Variants in DNER observed in about 807,000 individuals in gnomAD.
DNER encodes the protein delta/notch like EGF repeat containing.
A neutral mutation model predicts 78.2 loss-of-function variants in DNER; 33 were observed. The observed-to-expected ratio is 0.42, with a 90% CI of 0.32 to 0.56. The LOEUF is 0.56. DNER is among the 20% of genes least tolerant of loss of function. DNER has a pLI of 0.11. For synonymous variants in DNER, 417 were observed against 384.8 expected (o/e 1.08, Z -0.98); for missense variants, 918 against 975.3 (o/e 0.94, Z 0.78).
chr2:229,371,587 C>A (rs990621577), intron 11 of DNER, among the ~76,000 whole-genome samples: 1 of 152,204 alleles, frequency 6.6e-6, no homozygotes, highest in African/African-American at 2.4e-5. Flanking sequence ...TAAACAAACA[C>A]CTTGAGCTAG....
intron 1 of DNER, among the ~76,000 whole-genome samples, chr2:229,609,355 C>T (rs1698001770): frequency 6.6e-6 from 1 of 152,146 alleles, no homozygotes; most frequent in Non-Finnish European, 1.5e-5. Context: ...TCTGTACAGC[C>T]TATGAGGCAA....
At chr2:229,609,678 G>A (rs918355348) in intron 1 of DNER, among the ~76,000 whole-genome samples, 14 of 152,268 alleles carry the variant, frequency 9.2e-5, no homozygotes, top group South Asian at 6.2e-4. Context: ...TAACGTGCTG[G>A]TGGAGGGACA....
intron 5 of DNER, among the ~76,000 whole-genome samples, chr2:229,515,230 A>T (rs1377398784): frequency 1.3e-5 from 2 of 152,278 alleles, no homozygotes; most frequent in Non-Finnish European, 2.9e-5. Context: ...GTATTTTTTT[A>T]AAACAGGAAA....
intron 5 of DNER, among the ~76,000 whole-genome samples, chr2:229,523,448 C>T (rs1036559519): frequency 1.3e-5 from 2 of 152,176 alleles, no homozygotes; most frequent in Admixed American, 1.3e-4. Flanking sequence ...TGGCCATCTC[C>T]TCCCCGTGTC....
At chr2:229,684,169 A>AGAGAGAGAGT (rs1184050138) in intron 1 of DNER, among the ~76,000 whole-genome samples, 2 of 94,600 alleles carry the variant, frequency 2.1e-5, no homozygotes, top group African/African-American at 9.0e-5. Flanking sequence ...AGAGAGAGAG[A>AGAGAGAGAGT]GTGTGTGTGT....
chr2:229,360,212 T>C (rs1692180444), intron 12 of DNER, among the ~76,000 whole-genome samples: 1 of 152,192 alleles, frequency 6.6e-6, no homozygotes, highest in South Asian at 2.1e-4. Context: ...TTATTTCTCA[T>C]AAAATACCTA....
intron 4 of DNER, among the ~76,000 whole-genome samples, chr2:229,579,101 T>C (rs979453465): frequency 6.6e-6 from 1 of 152,208 alleles, no homozygotes; most frequent in African/African-American, 2.4e-5. Flanking sequence ...TATGAAATGA[T>C]CTTAAATAGC....
intron 10 of DNER, among the ~76,000 whole-genome samples, chr2:229,389,745 A>G (rs1308645143): frequency 6.6e-6 from 1 of 152,178 alleles, no homozygotes; most frequent in Non-Finnish European, 1.5e-5. Context: ...AATATATTCC[A>G]TGTCTGTTTC....
chr2:229,574,261 C>T (rs1463750152), intron 4 of DNER, among the ~76,000 whole-genome samples: 3 of 151,944 alleles, frequency 2.0e-5, no homozygotes, highest in Admixed American at 6.6e-5. Flanking sequence ...ATAAATCATC[C>T]GAGAAGACAC....
At chr2:229,668,180 G>A (rs1699127550) in intron 1 of DNER, among the ~76,000 whole-genome samples, 1 of 151,984 alleles carries the variant, frequency 6.6e-6, no homozygotes, top group Non-Finnish European at 1.5e-5. Flanking sequence ...ATTCACCTAG[G>A]GGAGATGTTA....
chr2:229,452,794 ATT>A lies in DNER; in HGVS notation c.1262-5256_1262-5255del, dbSNP rs1341410800. Among the ~76,000 whole-genome samples the A allele has an allele frequency of 4.6e-5, 7 of 152,040 alleles. No homozygotes were observed. The East Asian group carries it at 1.4e-3, about 29-fold the overall frequency. ...AGGCACTTGCCACCACGCCCAGCTA[ATT>A]TTTGTATTTTTAGTAGAGACGGGGT... On this transcript the variant is annotated intron_variant, in intron 7 of 12. Transcript: ENST00000341772.
chr2:229,563,662 CCAT>C (rs1228267674), intron 4 of DNER, among the ~76,000 whole-genome samples: 3 of 133,064 alleles, frequency 2.3e-5, no homozygotes, highest in Non-Finnish European at 3.1e-5. Flanking sequence ...CACCCCATCA[CCAT>C]CATCATCAAC....
At chr2:229,632,037 T>C (rs988033614) in intron 1 of DNER, among the ~76,000 whole-genome samples, 1 of 152,208 alleles carries the variant, frequency 6.6e-6, no homozygotes, top group African/African-American at 2.4e-5. Context: ...TACAGAACTT[T>C]TAGAGCTAAT....
chr2:229,657,886 G>A (rs1201222654), intron 1 of DNER, among the ~76,000 whole-genome samples: 1 of 151,930 alleles, frequency 6.6e-6, no homozygotes, highest in Non-Finnish European at 1.5e-5. Context: ...TAAATTTCAG[G>A]GATACCTGCA....
intron 8 of DNER, among the ~76,000 whole-genome samples, chr2:229,439,596 C>T (rs1043139709): frequency 1.3e-5 from 2 of 152,194 alleles, no homozygotes; most frequent in African/African-American, 4.8e-5. Context: ...GTTCTAAAAT[C>T]CAGATTCACA....
intron 8 of DNER, among the ~76,000 whole-genome samples, chr2:229,423,862 C>T (rs987650298): frequency 1.3e-5 from 2 of 152,176 alleles, no homozygotes; most frequent in African/African-American, 4.8e-5. Context: ...AGCAACTCAT[C>T]ACGACACTCA....
At chr2:229,436,654 A>G (rs1053761622) in intron 8 of DNER, among the ~76,000 whole-genome samples, 2 of 152,084 alleles carry the variant, frequency 1.3e-5, no homozygotes, top group African/African-American at 4.8e-5. Context: ...CAACATTCAA[A>G]AGAAAAAAAA....
chr2:229,478,434 C>G (rs1435863318), intron 6 of DNER, among the ~76,000 whole-genome samples: 2 of 152,156 alleles, frequency 1.3e-5, no homozygotes, highest in Non-Finnish European at 2.9e-5. Context: ...AATGTGGAGG[C>G]ATTCATTTGC....
At chr2:229,634,243 C>G (rs549980949) in intron 1 of DNER, among the ~76,000 whole-genome samples, 39 of 152,210 alleles carry the variant, frequency 2.6e-4, no homozygotes, top group African/African-American at 6.5e-4. Flanking sequence ...GAGTTATGGA[C>G]TTTTTCCTTC....
Sources: allele counts gnomAD v4.1 joint callset (sites outside exome capture counted in the v4.1 genomes callset), GRCh38; gene constraint gnomAD v4.1.1; transcripts MANE v1.5; gene names NCBI Gene and HGNC (gene_info 2026-07-23, HGNC 2026-07-21).